The following TRIM14 variants were observed in gnomAD, a reference collection of about 807,000 sequenced individuals.
TRIM14 encodes the protein tripartite motif-containing protein 14.
A neutral mutation model predicts 44.5 loss-of-function variants in TRIM14; 28 were observed. That is an observed-to-expected ratio of 0.63 (90% CI 0.47 to 0.86). TRIM14 has a LOEUF of 0.86. Among genes scored for constraint, TRIM14 ranks in the 40% least tolerant of loss-of-function variants. TRIM14 has a pLI of 0.00. For synonymous variants in TRIM14, 299 were observed against 269.2 expected, an observed-to-expected ratio of 1.11 and a Z score of -1.08; for missense variants, 607 against 611.1, an observed-to-expected ratio of 0.99 and a Z score of 0.07.
rs1423746868 is a variant in TRIM14 at position 98,119,151 on chromosome 9, C to T, written c.38G>A (p.Arg13Lys). ...GCCGCATCCCTCGACAAGCTCCGAC[C>T]TCCCAGGGGTCCGGCTCCCGGTCGC... is the stretch of plus-strand genomic sequence containing the variant. ...GAATGSRTPGRSELVEGCGWR... is the reference protein window; with the variant it reads ...GAATGSRTPGKSELVEGCGWR... Residue 13 changes from arginine to lysine, a missense_variant, in exon 1 of 6, where the codon AGG (arginine) becomes AAG (lysine). Physicochemically the swap from Arg to Lys is conservative, Grantham distance 26. Coordinates refer to ENST00000341469, the MANE Select transcript of TRIM14 (RefSeq NM_014788.4). The T allele has an allele frequency of 6.3e-7, 1 of 1,583,722 alleles. No homozygotes were observed. Among genetic ancestry groups the T allele is most frequent in the South Asian group, 1.1e-5 (1 of 89,012 alleles).
rs1335380279 is a variant in TRIM14 at position 98,087,534 on chromosome 9, T to C, written c.1265A>G (p.Gln422Arg). Residue 422 changes from glutamine to arginine, a missense_variant, in exon 6 of 6, where the codon CAG becomes CGG. This residue lies in a region of TRIM14 where 356 missense variants were observed against 323.0 expected (regional missense o/e 1.10). Coordinates refer to ENST00000341469, the MANE Select transcript of TRIM14 (RefSeq NM_014788.4). ...CCGCAGGGCCGGGTAGAGCGGCTCC[T>C]GGAACGTGGCGCGGAAGGTATGCAG... ...SHLHTFRATF[Q>R]EPLYPALRLW... 2 of 1,597,464 alleles carry C rather than the reference T, an allele frequency of 1.3e-6. No homozygotes were observed. The highest frequency in any genetic ancestry group is 2.3e-5 in the East Asian group (1 of 44,338).
the TRIM14 span, among the ~76,000 whole-genome samples, chr9:98,047,298 G>A: frequency 2.6e-5 from 4 of 152,244 alleles, no homozygotes; most frequent in Admixed American, 6.5e-5. Context: ...CCCACCACGT[G>A]GAACTGTGAG....
intron 2 of TRIM14, among the ~76,000 whole-genome samples, chr9:98,101,025 G>A (rs1025022146): frequency 3.9e-5 from 6 of 152,062 alleles, no homozygotes; most frequent in African/African-American, 1.4e-4. Context: ...TGTCCAGGCT[G>A]AGTGCAGTGG....
At chr9:98,112,633 T>C (rs951995630) in intron 1 of TRIM14, among the ~76,000 whole-genome samples, 1 of 151,736 alleles carries the variant, frequency 6.6e-6, no homozygotes, top group African/African-American at 2.4e-5. Flanking sequence ...ACCCCGTCTC[T>C]ACTAAAAATA....
intron 1 of TRIM14, among the ~76,000 whole-genome samples, chr9:98,115,470 G>A (rs545834121): frequency 1.4e-4 from 22 of 152,080 alleles, no homozygotes; most frequent in Non-Finnish European, 2.1e-4. Context: ...TACTGGTCTC[G>A]AACTTCTGAC....
Position 98,088,016 on chromosome 9 carries a change from C to T in TRIM14, c.794-11G>A. On this transcript the variant is annotated splice_polypyrimidine_tract_variant and intron_variant, in intron 5 of 5. Coordinates refer to ENST00000341469, the MANE Select transcript of TRIM14 (RefSeq NM_014788.4). ...TGGGCGTGCGCGCGTCTGCAGGGGG[C>T]GAGACAAGGGACGCACCTGGTGGGC... 3 of 1,507,588 alleles carry T rather than the reference C, an allele frequency of 2.0e-6. No homozygotes were observed. Among genetic ancestry groups the T allele is most frequent in the East Asian group, 2.7e-5 (1 of 37,276 alleles). 93.4% of individuals were successfully genotyped at this position (1,507,588 alleles called of 1,614,324 possible). A position where few individuals can be genotyped will look rare whatever the true frequency, so the allele number is the denominator to read the frequency against.
At chr9:98,043,774 A>G in the TRIM14 span, among the ~76,000 whole-genome samples, 5 of 152,078 alleles carry the variant, frequency 3.3e-5, 1 homozygote, top group East Asian at 9.7e-4. Context: ...TCTCAGTAGA[A>G]AAGTAACAGC....
rs1203860809 is a variant in TRIM14, at chr9:98,093,268, C to T, written c.701-1267G>A. Among the ~76,000 whole-genome samples the T allele has an allele frequency of 2.0e-5, 3 of 152,134 alleles. No individual in the cohort carries two copies. In the East Asian group the frequency reaches 5.8e-4, roughly 29 times the overall value. ...ATATGGCCAGCTCACTCCCATCGCG[C>T]CTCAGGACCTCCACCCTTGCTTTTC... On this transcript the variant is annotated intron_variant, in intron 4 of 5. Transcript: ENST00000341469.
chr9:98,067,590 A>G (rs1437202067), downstream of TRIM14, among the ~76,000 whole-genome samples: 8 of 152,244 alleles, frequency 5.3e-5, no homozygotes, highest in African/African-American at 1.7e-4. Context: ...TTCTTTATAT[A>G]TTCTTTTGAA....
chr9:98,057,923 T>TG, the TRIM14 span, among the ~76,000 whole-genome samples: 1 of 29,626 alleles, frequency 3.4e-5, no homozygotes, highest in Admixed American at 3.5e-4. Context: ...TTTTTCCTGG[T>TG]TTTTTTTTTT....
At chr9:98,036,226 G>T in the TRIM14 span, among the ~76,000 whole-genome samples, 9 of 150,986 alleles carry the variant, frequency 6.0e-5, no homozygotes, top group Non-Finnish European at 1.2e-4. Flanking sequence ...AAAAGAAAAA[G>T]AAAAAAAGAA....
chr9:98,059,000 A>G, the TRIM14 span, among the ~76,000 whole-genome samples: 481 of 151,932 alleles, frequency 3.2e-3, 1 homozygote, highest in African/African-American at 0.011. Context: ...TGATCTCAGC[A>G]CTGACATTTC....
the TRIM14 span, among the ~76,000 whole-genome samples, chr9:98,051,543 A>G: frequency 6.6e-6 from 1 of 152,090 alleles, no homozygotes; most frequent in Admixed American, 6.6e-5. Flanking sequence ...ATCATGGGGG[A>G]TACATTTCTA....
At chr9:98,111,037 GT>G (rs1826831601) in intron 1 of TRIM14, among the ~76,000 whole-genome samples, 1 of 146,218 alleles carries the variant, frequency 6.8e-6, no homozygotes. Flanking sequence ...GGGCAACAGA[GT>G]GAGACCCTGT....
chr9:98,068,541 C>T (rs922562071), downstream of TRIM14, among the ~76,000 whole-genome samples: 11 of 151,396 alleles, frequency 7.3e-5, no homozygotes, highest in Non-Finnish European at 1.3e-4. Flanking sequence ...TGGCTGGATG[C>T]AGTGGCTCAC....
chr9:98,092,954 T>A (rs1446916894), intron 4 of TRIM14, among the ~76,000 whole-genome samples: 1 of 152,192 alleles, frequency 6.6e-6, no homozygotes, highest in Non-Finnish European at 1.5e-5. Flanking sequence ...CCTTTAAATT[T>A]AATTTGGCTG....
At chr9:98,042,418 A>G in the TRIM14 span, among the ~76,000 whole-genome samples, 1 of 152,018 alleles carries the variant, frequency 6.6e-6, no homozygotes, top group Non-Finnish European at 1.5e-5. Context: ...CATTTATTCC[A>G]TTACATTTAC....
intron 1 of TRIM14, among the ~76,000 whole-genome samples, 180 bp downstream of exon 1, chr9:98,118,802 T>C (rs1402889611): frequency 6.6e-6 from 1 of 152,298 alleles, no homozygotes; most frequent in East Asian, 1.9e-4. Context: ...TGCCCTTCCT[T>C]GGGTCTCAGG....
At chr9:98,055,508 A>G in the TRIM14 span, among the ~76,000 whole-genome samples, 43 of 152,288 alleles carry the variant, frequency 2.8e-4, 1 homozygote, top group East Asian at 7.9e-3. Flanking sequence ...CAGCTGATCC[A>G]TCAAGTGCAG....
Sources: gnomAD v4.1 joint callset for allele counts (sites outside exome capture counted in the v4.1 genomes callset) on GRCh38, gnomAD v4.1.1 for gene constraint, gnomAD v4.1.1 regional missense constraint, MANE v1.5 for transcripts, NCBI Gene and HGNC (gene_info 2026-07-23, HGNC 2026-07-21) for gene names.